CSMD1: variants seen among roughly 807,000 people sequenced by gnomAD.
CSMD1 encodes the protein CUB and sushi domain-containing protein 1.
A neutral mutation model predicts 417.5 loss-of-function variants in CSMD1; 213 were observed. The ratio of observed to expected loss-of-function variants is 0.51; its 90% CI spans 0.46 to 0.57. The LOEUF (loss-of-function observed/expected upper bound fraction) is 0.57. Ranked by LOEUF, CSMD1 falls within the 20% of genes least tolerant of loss-of-function variation. The pLI is 0.00. For synonymous variants in CSMD1, 2,862 were observed against 1,736.8 expected, an observed-to-expected ratio of 1.65 and a Z score of -16.11; for missense variants, 6,923 against 4,529.7, an observed-to-expected ratio of 1.53 and a Z score of -15.17.
intron 48 of CSMD1, among the ~76,000 whole-genome samples, chr8:3,088,836 G>A (rs1814720880): frequency 9.0e-6 from 1 of 111,620 alleles, no homozygotes. Context: ...TGGAATCACT[G>A]TGCTAGTAAA....
chr8:4,841,930 A>AAACAAAAAAAAAACAAAAC (rs1800864428), intron 1 of CSMD1, among the ~76,000 whole-genome samples: 1 of 122,426 alleles, frequency 8.2e-6, no homozygotes, highest in Non-Finnish European at 1.7e-5. Context: ...AAAAAAAAAA[A>AAACAAAAAAAAAACAAAAC]AAAAAAAAGT....
chr8:3,890,731 G>T (rs907042650), intron 5 of CSMD1, among the ~76,000 whole-genome samples: 1 of 152,212 alleles, frequency 6.6e-6, no homozygotes, highest in Non-Finnish European at 1.5e-5. Flanking sequence ...GGAGCATGAT[G>T]CAAGTTAGCA....
chr8:4,438,612 T>C (rs1367586170), intron 2 of CSMD1, among the ~76,000 whole-genome samples: 2 of 152,172 alleles, frequency 1.3e-5, no homozygotes. Context: ...ATCATGCTCC[T>C]ATTATTTTAT....
intron 3 of CSMD1, among the ~76,000 whole-genome samples, chr8:4,338,969 C>T (rs567944276): frequency 6.6e-6 from 1 of 152,098 alleles, no homozygotes; most frequent in Non-Finnish European, 1.5e-5. Flanking sequence ...GGCATACAGT[C>T]AATGATCAGA....
chr8:3,143,761 T>C (rs369350660), intron 40 of CSMD1, among the ~76,000 whole-genome samples: 4 of 152,152 alleles, frequency 2.6e-5, no homozygotes, highest in African/African-American at 9.7e-5. Context: ...TTTAAAAAAA[T>C]TTTTGCATCT....
At chr8:3,429,534 G>T (rs1343353740) in intron 12 of CSMD1, among the ~76,000 whole-genome samples, 1 of 152,138 alleles carries the variant, frequency 6.6e-6, no homozygotes, top group Non-Finnish European at 1.5e-5. Context: ...TTTGGGGGCT[G>T]TCAGGAACGT....
At chr8:4,778,758 T>C (rs1016492482) in intron 1 of CSMD1, among the ~76,000 whole-genome samples, 5 of 152,222 alleles carry the variant, frequency 3.3e-5, no homozygotes, top group African/African-American at 1.2e-4. Flanking sequence ...AAAGCTCTCA[T>C]AGTGGTTTGT....
intron 3 of CSMD1, among the ~76,000 whole-genome samples, chr8:4,239,172 A>T (rs1323067552): frequency 4.6e-5 from 7 of 152,210 alleles, no homozygotes; most frequent in Non-Finnish European, 1.0e-4. Flanking sequence ...ACCAGAGTTG[A>T]ATGAACTATC....
intron 1 of CSMD1, among the ~76,000 whole-genome samples, chr8:4,687,025 A>AACTC (rs1178842164): frequency 6.6e-6 from 1 of 152,230 alleles, no homozygotes; most frequent in Non-Finnish European, 1.5e-5. Context: ...CCAGCCAGCG[A>AACTC]ACTCCATGCA....
intron 17 of CSMD1, among the ~76,000 whole-genome samples, chr8:3,395,395 A>G (rs73657836): frequency 0.02 from 2,971 of 152,264 alleles, 99 homozygotes; most frequent in African/African-American, 0.068. Flanking sequence ...TTTTGTTTTA[A>G]TTGGCTAATG....
intron 5 of CSMD1, among the ~76,000 whole-genome samples, chr8:3,852,854 C>T (rs537502555): frequency 6.6e-6 from 1 of 152,258 alleles, no homozygotes; most frequent in East Asian, 1.9e-4. Context: ...TTCCTCTCAG[C>T]AGAATCAATC....
At chr8:3,328,602 T>C (rs541586424) in intron 23 of CSMD1, among the ~76,000 whole-genome samples, 3 of 152,304 alleles carry the variant, frequency 2.0e-5, no homozygotes, top group African/African-American at 4.8e-5. Flanking sequence ...AATGTACATA[T>C]AGTGGGCTAT....
rs868079016 is a variant in CSMD1 at position 3,349,842 on chromosome 8, G to T, written c.3305-1681C>A. On this transcript the variant is annotated intron_variant, in intron 21 of 69. Coordinates refer to ENST00000635120, the MANE Select transcript of CSMD1 (RefSeq NM_033225.6). Reference sequence around the variant, plus strand: ...ATATAAAATATATATAATATATCTAGATATAAATATATATAATTATATAAA... The same window carrying T: ...ATATAAAATATATATAATATATCTATATATAAATATATATAATTATATAAA... 9.9e-3 allele frequency among the ~76,000 whole-genome samples: 1,356 copies of T among 137,264 alleles called. 19 individuals carry two copies. The highest frequency in any genetic ancestry group is 0.032 in the African/African-American group (1,204 of 37,434). 90.1% of individuals were successfully genotyped at this position (137,264 alleles called of 152,430 possible). A position where few individuals can be genotyped will look rare whatever the true frequency, so the allele number is the denominator to read the frequency against.
At chr8:4,859,067 G>T (rs1801976443) in intron 1 of CSMD1, among the ~76,000 whole-genome samples, 2 of 151,832 alleles carry the variant, frequency 1.3e-5, no homozygotes, top group Admixed American at 6.6e-5. Context: ...CCAAAACAGA[G>T]ATATAGATCA....
At chr8:3,449,972 T>C (rs1815581213) in intron 12 of CSMD1, among the ~76,000 whole-genome samples, 1 of 152,190 alleles carries the variant, frequency 6.6e-6, no homozygotes, top group Non-Finnish European at 1.5e-5. Flanking sequence ...TCAAGCGTTT[T>C]AAAGTGGAAA....
intron 3 of CSMD1, among the ~76,000 whole-genome samples, chr8:4,195,690 C>G (rs537045745): frequency 6.6e-6 from 1 of 152,136 alleles, no homozygotes; most frequent in African/African-American, 2.4e-5. Flanking sequence ...TTGAAGAATT[C>G]CACGCAGGGA....
At chr8:3,480,842 T>C (rs1486049318) in intron 11 of CSMD1, among the ~76,000 whole-genome samples, 2 of 152,088 alleles carry the variant, frequency 1.3e-5, no homozygotes, top group Non-Finnish European at 2.9e-5. Flanking sequence ...ATCAGGCGTA[T>C]AATTTGTTTT....
At chr8:4,334,653 T>C (rs1442786802) in intron 3 of CSMD1, among the ~76,000 whole-genome samples, 2 of 152,188 alleles carry the variant, frequency 1.3e-5, no homozygotes, top group Non-Finnish European at 2.9e-5. Context: ...ATACCTTCTA[T>C]GGTTAGAGAA....
intron 10 of CSMD1, among the ~76,000 whole-genome samples, chr8:3,496,905 G>A (rs1472275936): frequency 1.3e-5 from 2 of 152,058 alleles, no homozygotes; most frequent in African/African-American, 4.8e-5. Flanking sequence ...TAGACCCATT[G>A]GACACTCAGG....
Sources: gnomAD v4.1 joint callset for allele counts (sites outside exome capture counted in the v4.1 genomes callset) on GRCh38, gnomAD v4.1.1 for gene constraint, MANE v1.5 for transcripts, NCBI Gene and HGNC (gene_info 2026-07-23, HGNC 2026-07-21) for gene names.